The following SNX13 variants were observed in gnomAD, a reference collection of about 807,000 sequenced individuals.
SNX13 encodes the protein sorting nexin 13.
SNX13 carries 45 observed loss-of-function variants against 133.6 expected under a neutral mutation model. The observed-to-expected ratio is 0.34, with a 90% CI of 0.27 to 0.43. The LOEUF (loss-of-function observed/expected upper bound fraction) is 0.43. Ranked by LOEUF, SNX13 falls within the 20% of genes least tolerant of loss-of-function variation. The probability of loss-of-function intolerance (pLI) is 1.00; values close to 1 mark genes in which losing one functional copy is unlikely to be tolerated. For synonymous variants in SNX13, 414 were observed against 373.9 expected (o/e 1.11, Z -1.24); for missense variants, 1,032 against 1,145.1 (o/e 0.90, Z 1.43).
chr7:17,901,017 C>T (rs192520655), intron 1 of SNX13, among the ~76,000 whole-genome samples: 2 of 152,274 alleles, frequency 1.3e-5, no homozygotes, highest in Admixed American at 1.3e-4. Flanking sequence ...ACCAAGGGCT[C>T]TTTAGTCAGC....
At chr7:17,895,311 A>G (rs1219380925) in intron 2 of SNX13, among the ~76,000 whole-genome samples, 2 of 152,218 alleles carry the variant, frequency 1.3e-5, no homozygotes, top group Non-Finnish European at 2.9e-5. Flanking sequence ...AATACAACAG[A>G]ATGCCACAAA....
At chr7:17,813,802 T>C (rs1031821907) in intron 20 of SNX13, among the ~76,000 whole-genome samples, 1 of 151,946 alleles carries the variant, frequency 6.6e-6, no homozygotes, top group Non-Finnish European at 1.5e-5. Context: ...CCAGGGTTAG[T>C]CTTGAACTCT....
At chr7:17,912,053 T>A (rs955595459) in intron 1 of SNX13, among the ~76,000 whole-genome samples, 3 of 152,194 alleles carry the variant, frequency 2.0e-5, no homozygotes, top group Non-Finnish European at 4.4e-5. Flanking sequence ...CCTCAGCCAC[T>A]TGGAATTAGC....
intron 3 of SNX13, among the ~76,000 whole-genome samples, chr7:17,892,547 G>C (rs1204980109): frequency 6.6e-6 from 1 of 150,460 alleles, no homozygotes; most frequent in Admixed American, 6.6e-5. Flanking sequence ...AGGAGAGAAA[G>C]GTTTCAGATT....
chr7:17,796,936 A>G lies in SNX13; in HGVS notation c.2517T>C (p.Asp839=). 1 of 1,599,996 alleles carries G rather than the reference A, an allele frequency of 6.3e-7. No homozygotes were observed. Among genetic ancestry groups the G allele is most frequent in the Non-Finnish European group, 8.6e-7 (1 of 1,168,394 alleles). Residue 839 remains aspartate (D), a synonymous_variant, in exon 25 of 26, where the codon GAT becomes GAC. Transcript: ENST00000428135. ...QVADSVKRFR[D]AFWPNGILAE... ...CTAAAATGCCATTTGGCCAAAATGC[A>G]TCTCTATTTGAGAAGATTAAATACA... is the stretch of plus-strand genomic sequence containing the variant.
intron 8 of SNX13, among the ~76,000 whole-genome samples, chr7:17,872,665 G>A (rs1472280767): frequency 6.6e-6 from 1 of 152,150 alleles, no homozygotes; most frequent in East Asian, 1.9e-4. Context: ...TAGATGTTAG[G>A]AAATTGTATG....
chr7:17,935,587 C>A (rs1159473179), intron 1 of SNX13, among the ~76,000 whole-genome samples: 1 of 151,986 alleles, frequency 6.6e-6, no homozygotes, highest in African/African-American at 2.4e-5. Context: ...ACCCTGTACC[C>A]CATAAATGCA....
intron 20 of SNX13, among the ~76,000 whole-genome samples, chr7:17,807,984 T>C (rs1206401268): frequency 6.6e-6 from 1 of 152,104 alleles, no homozygotes; most frequent in Non-Finnish European, 1.5e-5. Context: ...GGTAGATAAA[T>C]TCACGAAGAA....
chr7:17,798,544 A>G (rs1371165336), intron 24 of SNX13, 146 bp downstream of exon 24: 9 of 594,500 alleles, frequency 1.5e-5, no homozygotes, highest in Non-Finnish European at 2.3e-5. Context: ...AATGTTTAGT[A>G]TAATTCTTAG....
intron 13 of SNX13, among the ~76,000 whole-genome samples, chr7:17,839,125 TATA>T (rs779675526): frequency 3.0e-4 from 45 of 149,656 alleles, no homozygotes; most frequent in Non-Finnish European, 5.3e-4. Context: ...CTATACATTC[TATA>T]ATAAAATAAT....
chr7:17,924,972 C>T (rs981394578), intron 1 of SNX13, among the ~76,000 whole-genome samples: 1 of 152,124 alleles, frequency 6.6e-6, no homozygotes, highest in African/African-American at 2.4e-5. Flanking sequence ...CTTTAGGAGG[C>T]CAAGGCGGGC....
intron 12 of SNX13, among the ~76,000 whole-genome samples, chr7:17,841,583 C>CACACAT (rs1491551329): frequency 6.7e-6 from 1 of 150,352 alleles, no homozygotes; most frequent in Non-Finnish European, 1.5e-5. Flanking sequence ...CACACACACA[C>CACACAT]GCACACACAC....
At chr7:17,829,832 C>A (rs961636932) in intron 16 of SNX13, among the ~76,000 whole-genome samples, 178 bp downstream of exon 16, 1 of 151,040 alleles carries the variant, frequency 6.6e-6, no homozygotes, top group East Asian at 1.9e-4. Flanking sequence ...TTTTTAAGTT[C>A]TAATTCATAG....
At position 17,847,184 on chromosome 7, in the gene SNX13, T is replaced by C. The variant is rs373826239; in HGVS notation, c.1066-1490A>G. Reference sequence around the variant, plus strand: ...AACCGTATCTTTCTTCTACGCTCATTTGCACGAGTATATAAACTAGTTTTA... The same window carrying C: ...AACCGTATCTTTCTTCTACGCTCATCTGCACGAGTATATAAACTAGTTTTA... On this transcript the variant is annotated intron_variant, in intron 11 of 25. Coordinates refer to ENST00000428135, the MANE Select transcript of SNX13 (RefSeq NM_015132.5). 1.6e-3 allele frequency among the ~76,000 whole-genome samples: 248 copies of C among 152,196 alleles called. 1 individual carries two copies. Among genetic ancestry groups the C allele is most frequent in the African/African-American group, 5.5e-3 (228 of 41,530 alleles).
rs1783568841 is a variant in SNX13 at position 17,791,790 on chromosome 7, C to G, written c.*2255G>C. 6.6e-6 allele frequency: 1 copy of G among 152,004 alleles called. No individual in the cohort carries two copies. Among genetic ancestry groups the G allele is most frequent in the Non-Finnish European group, 1.5e-5 (1 of 67,942 alleles). The allele number at this position is 152,004 out of a possible 1,614,324, so 9.4% of individuals were successfully genotyped here. A position where few individuals can be genotyped will look rare whatever the true frequency, so the allele number is the denominator to read the frequency against. On this transcript the variant is annotated 3_prime_UTR_variant, in exon 26 of 26. Transcript: ENST00000428135. ...TTACACACAGCTTGACCAAGTCATT[C>G]AAAAAGTTATCTCTAATTTTAGCAT...
intron 1 of SNX13, among the ~76,000 whole-genome samples, chr7:17,909,515 C>T (rs1324136012): frequency 1.3e-5 from 2 of 152,188 alleles, no homozygotes; most frequent in Non-Finnish European, 2.9e-5. Flanking sequence ...GAATACTATG[C>T]AGCCATAAAA....
intron 17 of SNX13, among the ~76,000 whole-genome samples, chr7:17,824,750 CAT>C (rs1469462880): frequency 2.7e-5 from 4 of 150,822 alleles, no homozygotes; most frequent in East Asian, 2.0e-4. Context: ...TCAGTATTTA[CAT>C]ATGTTTGTCA....
chr7:17,825,260 TA>T (rs1290242476), intron 17 of SNX13, among the ~76,000 whole-genome samples: 3 of 126,984 alleles, frequency 2.4e-5, no homozygotes, highest in African/African-American at 9.2e-5. Flanking sequence ...TAGATTAAAC[TA>T]GACTAGACTA....
chr7:17,823,741 C>T (rs2128304258), intron 17 of SNX13, among the ~76,000 whole-genome samples: 1 of 152,266 alleles, frequency 6.6e-6, no homozygotes, highest in South Asian at 2.1e-4. Flanking sequence ...CGTTAGAGAA[C>T]CACCATTTCT....
Sources: gnomAD v4.1 joint callset for allele counts (sites outside exome capture counted in the v4.1 genomes callset) on GRCh38, gnomAD v4.1.1 for gene constraint, MANE v1.5 for transcripts, NCBI Gene and HGNC (gene_info 2026-07-23, HGNC 2026-07-21) for gene names.